The following BRIP1 variants were observed in gnomAD, a reference collection of about 807,000 sequenced individuals.
The protein encoded by BRIP1 is BRCA1 interacting DNA helicase 1.
A neutral mutation model predicts 119.7 loss-of-function variants in BRIP1; 88 were observed. That is an observed-to-expected ratio of 0.74 (90% CI 0.62 to 0.88). The LOEUF (loss-of-function observed/expected upper bound fraction) is 0.88. Among genes scored for constraint, BRIP1 ranks in the 40% least tolerant of loss-of-function variants. BRIP1 has a pLI of 0.00. For missense variants in BRIP1, 1,259 were observed against 1,455.4 expected (o/e 0.87, Z 2.20); for synonymous variants, 443 against 496.5 (o/e 0.89, Z 1.43).
At chr17:61,692,401 C>T (rs558668171) in intron 18 of BRIP1, among the ~76,000 whole-genome samples, 16 of 152,040 alleles carry the variant, frequency 1.1e-4, no homozygotes, top group African/African-American at 1.7e-4. Context: ...TAATTTGCAA[C>T]GCATATATCT....
Position 61,760,389 on chromosome 17 carries a change from AAAG to A in BRIP1, c.2098-15801_2098-15799del, listed in dbSNP as rs1194854543. 1.3e-5 allele frequency among the ~76,000 whole-genome samples: 2 copies of A among 151,958 alleles called. No homozygotes were observed. Among genetic ancestry groups the A allele is most frequent in the African/African-American group, 2.4e-5 (1 of 41,442 alleles). On this transcript the variant is annotated intron_variant, in intron 14 of 19. Coordinates refer to ENST00000259008, the MANE Select transcript of BRIP1 (RefSeq NM_032043.3). The surrounding 1 kb of genome is among the most constrained non-coding windows in gnomAD (Gnocchi z 4.6). ...AACATTACTCCTCAAGGATCTAGAA[AAAG>A]AAGAACTAAGCCCAAAATTAACAGA...
At position 61,842,047 on chromosome 17, in the gene BRIP1, A is replaced by G. The variant is rs1008566560; in HGVS notation, c.627+5054T>C. Among the ~76,000 whole-genome samples, 2 of 152,198 alleles carry G rather than the reference A, an allele frequency of 1.3e-5. No homozygotes were observed. The highest frequency in any genetic ancestry group is 6.5e-5 in the Admixed American group (1 of 15,270). ...GTTGGCATCAACCTAAATGTCCATC[A>G]ACAGATGAATGGATAAAGAAAATGT... is the stretch of plus-strand genomic sequence containing the variant. On this transcript the variant is annotated intron_variant, in intron 6 of 19. Coordinates refer to ENST00000259008, the MANE Select transcript of BRIP1 (RefSeq NM_032043.3). This position sits in a 1 kb window ranked among gnomAD's most constrained non-coding sequence, Gnocchi z 5.1.
chr17:61,792,165 C>T (rs151181620), intron 10 of BRIP1, among the ~76,000 whole-genome samples: 122 of 152,314 alleles, frequency 8.0e-4, no homozygotes, highest in African/African-American at 2.9e-3. Context: ...ACTACAGCCT[C>T]AAATTCCTGG....
At position 61,705,406 on chromosome 17, in the gene BRIP1, C is replaced by A. The variant is rs2061677601; in HGVS notation, c.2492+10545G>T. On this transcript the variant is annotated intron_variant, in intron 17 of 19. Transcript: ENST00000259008. This position sits in a 1 kb window ranked among gnomAD's most constrained non-coding sequence, Gnocchi z 5.0. ...GAATTGTGCTGTGATGAACACACAG[C>A]TGCATGTGTCTTTTTGGCAGAATGA... Among the ~76,000 whole-genome samples, 1 of 152,080 alleles carries A rather than the reference C, an allele frequency of 6.6e-6. No individual in the cohort carries two copies. Among genetic ancestry groups the A allele is most frequent in the Middle Eastern group, 3.2e-3 (1 of 316 alleles).
At position 61,807,801 on chromosome 17, in the gene BRIP1, T is replaced by C. The variant is rs1265794509; in HGVS notation, c.918+666A>G. On this transcript the variant is annotated intron_variant, in intron 7 of 19. Transcript: ENST00000259008. This position sits in a 1 kb window ranked among gnomAD's most constrained non-coding sequence, Gnocchi z 4.5. ...GTAAACTAATTATCACACCAGAACA[T>C]AGGCTCCCAAACTAATACTGCCAAA... Among the ~76,000 whole-genome samples the C allele has an allele frequency of 1.3e-5, 2 of 152,146 alleles. No individual in the cohort carries two copies. Among genetic ancestry groups the C allele is most frequent in the African/African-American group, 2.4e-5 (1 of 41,454 alleles).
At chr17:61,838,598 C>A (rs2078611396) in intron 6 of BRIP1, among the ~76,000 whole-genome samples, 2 of 150,456 alleles carry the variant, frequency 1.3e-5, no homozygotes, top group South Asian at 4.2e-4. Context: ...AATAAAGCAT[C>A]ATTAAATCTA....
At position 61,742,880 on chromosome 17, in the gene BRIP1, G is replaced by A; in HGVS notation, c.2379+133C>T. 7.0e-6 allele frequency: 8 copies of A among 1,143,922 alleles called. No individual in the cohort carries two copies. Among genetic ancestry groups the A allele is most frequent in the Non-Finnish European group, 1.0e-5 (8 of 777,540 alleles). 70.9% of individuals were successfully genotyped at this position (1,143,922 alleles called of 1,614,324 possible). On this transcript the variant is annotated intron_variant, in intron 16 of 19. Transcript: ENST00000259008. The surrounding 1 kb of genome is among the most constrained non-coding windows in gnomAD (Gnocchi z 4.7). ...TGCTGAAAGACTTGCACAATGCAGG[G>A]TTACCATAAACCTTCAATTTGTAAA...
chr17:61,764,033 C>T (rs146921962), intron 14 of BRIP1, among the ~76,000 whole-genome samples: 15 of 152,284 alleles, frequency 9.9e-5, no homozygotes, highest in Non-Finnish European at 1.5e-4. Context: ...TATTCAGCCA[C>T]CCATTGGTGA....
chr17:61,833,132 T>G (rs1417141434), intron 6 of BRIP1, among the ~76,000 whole-genome samples: 1 of 152,210 alleles, frequency 6.6e-6, no homozygotes, highest in African/African-American at 2.4e-5. Flanking sequence ...GAAAACGTTC[T>G]ACATGACAAT....
chr17:61,698,666 T>A (rs2061563570), intron 17 of BRIP1, among the ~76,000 whole-genome samples: 1 of 152,110 alleles, frequency 6.6e-6, no homozygotes, highest in African/African-American at 2.4e-5. Flanking sequence ...TTTGTTAACT[T>A]TGTATGTTTA....
At position 61,730,238 on chromosome 17, in the gene BRIP1, T is replaced by G. The variant is rs906315136; in HGVS notation, c.2379+12775A>C. Among the ~76,000 whole-genome samples the G allele has an allele frequency of 3.9e-5, 6 of 152,174 alleles. No individual in the cohort carries two copies. Among genetic ancestry groups the G allele is most frequent in the African/African-American group, 1.4e-4 (6 of 41,454 alleles). The stretch of plus-strand genomic sequence containing the variant: ...CAATATCTACTACAGTTTATGTTAT[T>G]TGAGACCTTAAAGCTTTACAGTTAG... On this transcript the variant is annotated intron_variant, in intron 16 of 19. Transcript: ENST00000259008. The surrounding 1 kb of genome is among the most constrained non-coding windows in gnomAD (Gnocchi z 4.3).
intron 4 of BRIP1, among the ~76,000 whole-genome samples, chr17:61,855,307 G>C (rs1170712775): frequency 1.3e-5 from 2 of 152,182 alleles, no homozygotes; most frequent in Admixed American, 1.3e-4. Flanking sequence ...GCTGGGCGTG[G>C]TCGCTCACGC....
intron 17 of BRIP1, among the ~76,000 whole-genome samples, chr17:61,707,774 A>G (rs1050213909): frequency 6.6e-6 from 1 of 151,882 alleles, no homozygotes; most frequent in African/African-American, 2.4e-5. Context: ...TTGGCAAACT[A>G]TAGCCTATAG....
At chr17:61,763,410 T>A (rs2077306449) in intron 14 of BRIP1, among the ~76,000 whole-genome samples, 1 of 152,190 alleles carries the variant, frequency 6.6e-6, no homozygotes, top group Non-Finnish European at 1.5e-5. Context: ...AAATACCATG[T>A]GACCTATGGT....
chr17:61,740,885 A>C lies in BRIP1; in HGVS notation c.2379+2128T>G, dbSNP rs536061672. ...TCAGGGTGGTGGTTGCTAACGTTGG[A>C]GTGGCTGTGGCAATTTCTTAAAATA... On this transcript the variant is annotated intron_variant, in intron 16 of 19. Coordinates refer to ENST00000259008, the MANE Select transcript of BRIP1 (RefSeq NM_032043.3). This position sits in a 1 kb window ranked among gnomAD's most constrained non-coding sequence, Gnocchi z 5.4. 3.3e-5 allele frequency among the ~76,000 whole-genome samples: 5 copies of C among 152,204 alleles called. No individual in the cohort carries two copies. Among genetic ancestry groups the C allele is most frequent in the African/African-American group, 1.2e-4 (5 of 41,518 alleles).
At position 61,856,244 on chromosome 17, in the gene BRIP1, C is replaced by G. The variant is rs2078894757; in HGVS notation, c.379+814G>C. ...CTACCCTCCTCTATATAGTCACATG[C>G]TTTAGAGGAAGCTGACTCCATCCTT... On this transcript the variant is annotated intron_variant, in intron 4 of 19. Coordinates refer to ENST00000259008, the MANE Select transcript of BRIP1 (RefSeq NM_032043.3). This position sits in a 1 kb window ranked among gnomAD's most constrained non-coding sequence, Gnocchi z 5.1. Among the ~76,000 whole-genome samples, 1 of 152,190 alleles carries G rather than the reference C, an allele frequency of 6.6e-6. No individual in the cohort carries two copies. The highest frequency in any genetic ancestry group is 2.4e-5 in the African/African-American group (1 of 41,450).
chr17:61,861,807 G>T lies in BRIP1; in HGVS notation c.-30-238C>A, dbSNP rs548972001. 9.6e-6 allele frequency: 5 copies of T among 521,594 alleles called. No homozygotes were observed. Among genetic ancestry groups the T allele is most frequent in the South Asian group, 8.3e-5 (4 of 48,228 alleles). The allele number at this position is 521,594 out of a possible 1,614,324, so 32.3% of individuals were successfully genotyped here. ...TGCCAGGTATTAGTTGTGTGACTTCGGGAAAGTTAGTTACCTTCTCTAAGC... is the reference window on the plus strand; with the variant it reads ...TGCCAGGTATTAGTTGTGTGACTTCTGGAAAGTTAGTTACCTTCTCTAAGC... On this transcript the variant is annotated intron_variant, in intron 1 of 19. Transcript: ENST00000259008. The surrounding 1 kb of genome is among the most constrained non-coding windows in gnomAD (Gnocchi z 4.5).
intron 14 of BRIP1, among the ~76,000 whole-genome samples, chr17:61,763,064 G>A (rs2077300976): frequency 6.6e-6 from 1 of 152,084 alleles, no homozygotes; most frequent in Admixed American, 6.6e-5. Flanking sequence ...AGAAGTGACA[G>A]TAAAATGGTA....
In BRIP1 at chr17:61,686,898, C is replaced by A. The variant is rs1479775605; in HGVS notation, c.2576-733G>T. Among the ~76,000 whole-genome samples, 2 of 152,096 alleles carry A rather than the reference C, an allele frequency of 1.3e-5. No homozygotes were observed. Among genetic ancestry groups the A allele is most frequent in the Non-Finnish European group, 2.9e-5 (2 of 68,024 alleles). On this transcript the variant is annotated intron_variant, in intron 18 of 19. Transcript: ENST00000259008. The surrounding 1 kb of genome is among the most constrained non-coding windows in gnomAD (Gnocchi z 5.4). ...TTACAAAATAAATATTCCCTGCTAACACTACTAAAACTAGCATCATCTTTT... is the reference window on the plus strand; with the variant it reads ...TTACAAAATAAATATTCCCTGCTAAAACTACTAAAACTAGCATCATCTTTT...
Sources: allele counts gnomAD v4.1 joint callset (sites outside exome capture counted in the v4.1 genomes callset), GRCh38; gene constraint gnomAD v4.1.1; non-coding constraint Gnocchi (gnomAD v3.1); transcripts MANE v1.5; gene names NCBI Gene and HGNC (gene_info 2026-07-23, HGNC 2026-07-21).